Variants in PLCB1 observed in about 807,000 individuals in gnomAD.
PLCB1 encodes the protein phospholipase C beta 1.
Under a neutral mutation model 161.8 loss-of-function variants are expected in PLCB1, and 46 were observed. The ratio of observed to expected loss-of-function variants is 0.28; its 90% CI spans 0.22 to 0.36. PLCB1 has a LOEUF of 0.36. PLCB1 is among the 10% of genes least tolerant of loss of function. The probability of loss-of-function intolerance (pLI) is 1.00; values close to 1 mark genes in which losing one functional copy is unlikely to be tolerated. For synonymous variants in PLCB1, 517 were observed against 503.7 expected (o/e 1.03, Z -0.35); for missense variants, 1,016 against 1,472.5 (o/e 0.69, Z 5.07).
chr20:8,768,687 C>A (rs1022758759), intron 26 of PLCB1, among the ~76,000 whole-genome samples: 2 of 152,204 alleles, frequency 1.3e-5, no homozygotes, highest in African/African-American at 2.4e-5. Context: ...GCACATGCAA[C>A]ACACAAGGCC....
intron 4 of PLCB1, among the ~76,000 whole-genome samples, chr20:8,645,125 T>G (rs1027427659): frequency 6.6e-5 from 10 of 151,038 alleles, no homozygotes; most frequent in African/African-American, 2.4e-4. Context: ...GGCAGCATGC[T>G]CGTTAAGAGT....
chr20:8,778,859 T>A (rs894284317), intron 27 of PLCB1, among the ~76,000 whole-genome samples: 1 of 152,202 alleles, frequency 6.6e-6, no homozygotes, highest in Admixed American at 6.5e-5. Flanking sequence ...TACCTGCCTT[T>A]AGCTGCGACG....
At chr20:8,815,489 A>G (rs145425220) in intron 31 of PLCB1, among the ~76,000 whole-genome samples, 2 of 152,294 alleles carry the variant, frequency 1.3e-5, no homozygotes, top group African/African-American at 4.8e-5. Flanking sequence ...TGGCAAACCT[A>G]AGGTGTACAA....
intron 2 of PLCB1, among the ~76,000 whole-genome samples, chr20:8,238,864 GCT>G (rs1980458869): frequency 7.3e-6 from 1 of 136,482 alleles, no homozygotes; most frequent in African/African-American, 3.0e-5. Context: ...TAAATGGGTG[GCT>G]GGGGGGAAGA....
At chr20:8,704,628 C>G (rs905538766) in intron 11 of PLCB1, among the ~76,000 whole-genome samples, 1 of 152,198 alleles carries the variant, frequency 6.6e-6, no homozygotes, top group African/African-American at 2.4e-5. Context: ...TTTATCCTGT[C>G]ATCTGCTTTT....
intron 3 of PLCB1, among the ~76,000 whole-genome samples, chr20:8,512,328 AT>A (rs1316304717): frequency 6.6e-6 from 1 of 152,146 alleles, no homozygotes; most frequent in Non-Finnish European, 1.5e-5. Flanking sequence ...TAGGTGCTAT[AT>A]TTACAATTCT....
At chr20:8,779,080 A>G (rs1234447250) in intron 27 of PLCB1, among the ~76,000 whole-genome samples, 2 of 152,166 alleles carry the variant, frequency 1.3e-5, no homozygotes, top group Non-Finnish European at 2.9e-5. Context: ...TGATGAGGAA[A>G]ATTAAGCCGA....
At chr20:8,177,222 T>G (rs2123080897) in intron 2 of PLCB1, among the ~76,000 whole-genome samples, 1 of 152,218 alleles carries the variant, frequency 6.6e-6, no homozygotes, top group Admixed American at 6.5e-5. Context: ...TGAATGGGAT[T>G]TTTGCCCTAA....
intron 3 of PLCB1, among the ~76,000 whole-genome samples, chr20:8,535,779 A>G (rs1014066565): frequency 2.6e-5 from 4 of 152,158 alleles, no homozygotes; most frequent in Non-Finnish European, 4.4e-5. Flanking sequence ...TTGATATAAT[A>G]AAAGAGAAAA....
Position 8,760,414 on chromosome 20 carries a change from A to T in PLCB1, c.2664A>T (p.Val888=). ...ALHSQPAPGS[V]KAPAKTEDLI... ...TTATCTTTTATATTACAGGTTCTGT[A>T]AAGGCACCTGCCAAAACAGAAGATC... Residue 888 remains valine (V), a synonymous_variant, in exon 25 of 32, where the codon GTA becomes GTT. Transcript: ENST00000338037. The T allele has an allele frequency of 6.2e-7, 1 of 1,604,666 alleles. No homozygotes were observed. The highest frequency in any genetic ancestry group is 8.5e-7 in the Non-Finnish European group (1 of 1,171,908).
At chr20:8,660,499 T>C (rs1236054897) in intron 9 of PLCB1, among the ~76,000 whole-genome samples, 4 of 152,126 alleles carry the variant, frequency 2.6e-5, no homozygotes, top group Non-Finnish European at 5.9e-5. Context: ...CTTTTCCTTT[T>C]CTCCTTCCTT....
chr20:8,760,298 T>C, intron 24 of PLCB1, 109 bp from the exon 25 acceptor site: 2 of 621,514 alleles, frequency 3.2e-6, no homozygotes, highest in South Asian at 4.6e-5. Flanking sequence ...AATTTGTCAT[T>C]TCTCTGAAAA....
At chr20:8,446,750 C>T (rs1980852225) in intron 3 of PLCB1, among the ~76,000 whole-genome samples, 1 of 152,094 alleles carries the variant, frequency 6.6e-6, no homozygotes, top group Non-Finnish European at 1.5e-5. Flanking sequence ...TAGAAGGAGA[C>T]CGTTTAGTGT....
intron 3 of PLCB1, among the ~76,000 whole-genome samples, chr20:8,483,884 T>TA (rs1982610715): frequency 6.6e-6 from 1 of 152,196 alleles, no homozygotes; most frequent in African/African-American, 2.4e-5. Context: ...GTTGGTACTC[T>TA]AAAATAGAAA....
chr20:8,496,329 CA>C (rs71331309), intron 3 of PLCB1, among the ~76,000 whole-genome samples: 33,613 of 91,924 alleles, frequency 0.37, 3,626 homozygotes, highest in South Asian at 0.46. Context: ...CCCATCTCTG[CA>C]AAAAAAAAAA....
chr20:8,587,751 A>G (rs6140645), intron 3 of PLCB1, among the ~76,000 whole-genome samples: 3 of 152,196 alleles, frequency 2.0e-5, no homozygotes, highest in Non-Finnish European at 4.4e-5. Flanking sequence ...GAATTTGTGT[A>G]TATAGCATAT....
chr20:8,727,539 T>C (rs1980006368), intron 17 of PLCB1, 146 bp downstream of exon 17: 2 of 535,356 alleles, frequency 3.7e-6, no homozygotes, highest in South Asian at 2.9e-5. Context: ...AGGTATCATA[T>C]ACAATGCTGG....
chr20:8,155,392 T>C (rs1444624854), intron 2 of PLCB1, among the ~76,000 whole-genome samples: 1 of 152,170 alleles, frequency 6.6e-6, no homozygotes, highest in Non-Finnish European at 1.5e-5. Flanking sequence ...TTGTACAGAG[T>C]GATGATTCAG....
intron 3 of PLCB1, among the ~76,000 whole-genome samples, chr20:8,570,178 T>C (rs1266957607): frequency 2.6e-5 from 4 of 152,124 alleles, no homozygotes; most frequent in African/African-American, 7.2e-5. Context: ...CCTCAACCAT[T>C]GAACAAAATT....
Sources: gnomAD v4.1 joint callset for allele counts (sites outside exome capture counted in the v4.1 genomes callset) on GRCh38, gnomAD v4.1.1 for gene constraint, MANE v1.5 for transcripts, NCBI Gene and HGNC (gene_info 2026-07-23, HGNC 2026-07-21) for gene names.